REV1: variants seen among roughly 807,000 people sequenced by gnomAD.
REV1 encodes the protein translesion synthesis protein REV1.
Under a neutral mutation model 137.4 loss-of-function variants are expected in REV1, and 42 were observed. The observed-to-expected ratio is 0.31, with a 90% CI of 0.24 to 0.40. The LOEUF (loss-of-function observed/expected upper bound fraction) is 0.40. Ranked by LOEUF, REV1 falls within the 10% of genes least tolerant of loss-of-function variation. REV1 has a pLI of 1.00. For synonymous variants in REV1, 524 were observed against 519.2 expected (o/e 1.01, Z -0.12); for missense variants, 1,282 against 1,490.1 (o/e 0.86, Z 2.30).
At chr2:99,440,941 T>C (rs1186979702) in intron 5 of REV1, among the ~76,000 whole-genome samples, 1 of 152,198 alleles carries the variant, frequency 6.6e-6, no homozygotes, top group Non-Finnish European at 1.5e-5. Context: ...AATGGACATT[T>C]GCAAAGTAGC....
intron 14 of REV1, 192 bp from the exon 15 acceptor site, chr2:99,408,323 G>A: frequency 8.0e-6 from 3 of 374,220 alleles, no homozygotes; most frequent in Non-Finnish European, 9.5e-6. Context: ...CAACCAAGGG[G>A]GAAAGAAAAA....
chr2:99,416,304 T>A (rs1012480732), intron 12 of REV1, among the ~76,000 whole-genome samples: 6 of 152,370 alleles, frequency 3.9e-5, no homozygotes, highest in Admixed American at 3.3e-4. Context: ...CCCAGGACTT[T>A]CACTGTACAA....
At chr2:99,427,958 T>C (rs1679593981) in intron 9 of REV1, among the ~76,000 whole-genome samples, 1 of 152,106 alleles carries the variant, frequency 6.6e-6, no homozygotes, top group Non-Finnish European at 1.5e-5. Flanking sequence ...CGTGGGTAAA[T>C]ATAAATGCAC....
chr2:99,472,820 G>C (rs1685566598), intron 1 of REV1, among the ~76,000 whole-genome samples: 1 of 152,238 alleles, frequency 6.6e-6, no homozygotes, highest in African/African-American at 2.4e-5. Context: ...TTTGGTAACA[G>C]TCTGCTCCAA....
intron 1 of REV1, among the ~76,000 whole-genome samples, chr2:99,483,541 T>C (rs1686836050): frequency 6.6e-6 from 1 of 152,202 alleles, no homozygotes; most frequent in Non-Finnish European, 1.5e-5. Flanking sequence ...GACTAGTCTT[T>C]AAAAGGTTTC....
intron 1 of REV1, among the ~76,000 whole-genome samples, chr2:99,471,901 A>AC (rs1199006234): frequency 1.3e-5 from 2 of 151,580 alleles, no homozygotes; most frequent in Admixed American, 6.6e-5. Flanking sequence ...AAAAAAAAAA[A>AC]AAAAAAAAAA....
chr2:99,457,036 T>C (rs1318001914), intron 3 of REV1, among the ~76,000 whole-genome samples: 1 of 152,182 alleles, frequency 6.6e-6, no homozygotes, highest in African/African-American at 2.4e-5. Flanking sequence ...AGCTAAACAT[T>C]TCGATTCCTT....
intron 10 of REV1, among the ~76,000 whole-genome samples, chr2:99,422,389 T>C (rs1678801909): frequency 6.6e-6 from 1 of 152,162 alleles, no homozygotes; most frequent in African/African-American, 2.4e-5. Flanking sequence ...GGAGGAAACT[T>C]TCCCAAGAGG....
At chr2:99,434,811 T>G (rs887532110) in intron 7 of REV1, among the ~76,000 whole-genome samples, 5 of 151,194 alleles carry the variant, frequency 3.3e-5, no homozygotes, top group Admixed American at 2.6e-4. Context: ...AAATTTTTTT[T>G]TGTATTTCTA....
intron 3 of REV1, among the ~76,000 whole-genome samples, chr2:99,457,866 C>T (rs549630340): frequency 5.3e-5 from 8 of 151,820 alleles, no homozygotes; most frequent in African/African-American, 1.7e-4. Context: ...TGGAAGAGAA[C>T]AGAGAACCCA....
At chr2:99,417,242 C>T (rs540982779) in intron 12 of REV1, among the ~76,000 whole-genome samples, 49 of 152,150 alleles carry the variant, frequency 3.2e-4, no homozygotes, top group Non-Finnish European at 6.3e-4. Context: ...CGGGCTCAAG[C>T]GATTCTTGTG....
intron 8 of REV1, among the ~76,000 whole-genome samples, chr2:99,430,757 C>T (rs912421094): frequency 6.6e-6 from 1 of 152,150 alleles, no homozygotes; most frequent in African/African-American, 2.4e-5. Context: ...ACTTCCTTTG[C>T]CACCTTTAGC....
chr2:99,476,059 C>G (rs1456663342), intron 1 of REV1, among the ~76,000 whole-genome samples: 3 of 152,204 alleles, frequency 2.0e-5, no homozygotes, highest in Admixed American at 2.0e-4. Flanking sequence ...TCAACAAACA[C>G]ATACATATTA....
At chr2:99,422,800 C>G (rs1678859211) in intron 10 of REV1, among the ~76,000 whole-genome samples, 1 of 152,100 alleles carries the variant, frequency 6.6e-6, no homozygotes, top group Non-Finnish European at 1.5e-5. Context: ...GGTCACAGCT[C>G]TCTCTCACAT....
chr2:99,406,887 T>C (rs1676372166), intron 15 of REV1: 1 of 153,496 alleles, frequency 6.5e-6, no homozygotes, highest in Non-Finnish European at 1.4e-5. Context: ...GAAATACTTC[T>C]CAAAAAATAT....
intron 8 of REV1, among the ~76,000 whole-genome samples, chr2:99,433,794 T>A (rs1413349117): frequency 2.0e-5 from 3 of 152,262 alleles, no homozygotes; most frequent in East Asian, 3.9e-4. Flanking sequence ...CACATGAAAA[T>A]CTTAATAAGT....
intron 3 of REV1, among the ~76,000 whole-genome samples, chr2:99,451,667 T>C (rs987016366): frequency 6.6e-6 from 1 of 152,198 alleles, no homozygotes; most frequent in African/African-American, 2.4e-5. Context: ...TAGTCTGGCA[T>C]GTAGAGGTCA....
At chr2:99,430,199 A>T (rs1679940988) in intron 8 of REV1, among the ~76,000 whole-genome samples, 1 of 151,658 alleles carries the variant, frequency 6.6e-6, no homozygotes, top group East Asian at 1.9e-4. Context: ...TTTTTTTTTT[A>T]AATACACCAG....
intron 2 of REV1, 27 bp downstream of exon 2, chr2:99,464,895 A>T: frequency 6.2e-7 from 1 of 1,600,378 alleles, no homozygotes; most frequent in South Asian, 1.1e-5. Context: ...AGTTCGATAT[A>T]ATTATTTTTA....
Sources: gnomAD v4.1 joint callset for allele counts (sites outside exome capture counted in the v4.1 genomes callset) on GRCh38, gnomAD v4.1.1 for gene constraint, MANE v1.5 for transcripts, NCBI Gene and HGNC (gene_info 2026-07-23, HGNC 2026-07-21) for gene names.